The following PCSK5 variants were observed in gnomAD, a reference collection of about 807,000 sequenced individuals.
The protein encoded by PCSK5 is prohormone convertase 5.
In PCSK5, 129 loss-of-function variants were observed where a neutral mutation model predicts 233.2. The observed-to-expected ratio is 0.55, with a 90% confidence interval of 0.48 to 0.64. The LOEUF is 0.64. Ranked by LOEUF, PCSK5 falls within the 30% of genes least tolerant of loss-of-function variation. The pLI is 0.00. For synonymous variants in PCSK5, 825 were observed against 879.2 expected (o/e 0.94, Z 1.09); for missense variants, 2,076 against 2,430.1 (o/e 0.85, Z 3.06).
intron 3 of PCSK5, among the ~76,000 whole-genome samples, chr9:75,994,396 C>CTTTTTTTT (rs1826907729): frequency 1.3e-4 from 9 of 68,322 alleles, no homozygotes; most frequent in African/African-American, 2.2e-4. Context: ...TTCTTTCTTT[C>CTTTTTTTT]TTTCTTTTTT....
chr9:75,932,622 T>C (rs1281843816), intron 2 of PCSK5, 139 bp downstream of exon 2: 2 of 623,662 alleles, frequency 3.2e-6, no homozygotes, highest in South Asian at 2.1e-5. Flanking sequence ...CTAGTGTCTA[T>C]GCTTCCTCTT....
intron 20 of PCSK5, chr9:76,195,648 C>T (rs1824661288): frequency 6.6e-6 from 1 of 152,064 alleles, no homozygotes; most frequent in South Asian, 2.1e-4. Context: ...TTTGGAGACT[C>T]AACAAATGCT....
At chr9:76,014,226 A>G (rs1008235998) in intron 3 of PCSK5, among the ~76,000 whole-genome samples, 2 of 152,154 alleles carry the variant, frequency 1.3e-5, no homozygotes, top group African/African-American at 2.4e-5. Flanking sequence ...TCATGTTCCC[A>G]TAATTATTAA....
chr9:76,114,266 T>G (rs1161050072), intron 9 of PCSK5, among the ~76,000 whole-genome samples: 1 of 152,156 alleles, frequency 6.6e-6, no homozygotes, highest in Admixed American at 6.6e-5. Flanking sequence ...AGGGATGTAC[T>G]GTCCTGAACT....
chr9:76,332,612 T>A lies in PCSK5; in HGVS notation c.4748+2T>A. The A allele has an allele frequency of 6.4e-7, 1 of 1,567,180 alleles. No homozygotes were observed. Among genetic ancestry groups the A allele is most frequent in the African/African-American group, 1.4e-5 (1 of 73,976 alleles). On this transcript the variant is annotated splice_donor_variant, in intron 34 of 37. Coordinates refer to ENST00000674117, the MANE Select transcript of PCSK5 (RefSeq NM_001372043.1). LOFTEE classifies it high-confidence loss of function. ...GTGCCTGCTCCAGTGCAGGGAAGGG[T>A]AAGTGCTCAATACATTTTCCCCCAT...
At chr9:76,337,308 C>T (rs10869751) in intron 34 of PCSK5, among the ~76,000 whole-genome samples, 2,026 of 151,372 alleles carry the variant, frequency 0.013, 42 homozygotes, top group African/African-American at 0.046. Context: ...GGACTGCACA[C>T]CACATCTGGC....
intron 1 of PCSK5, among the ~76,000 whole-genome samples, chr9:75,903,598 T>TATTATATATATATAA (rs1369330438): frequency 7.1e-6 from 1 of 141,588 alleles, no homozygotes; most frequent in African/African-American, 2.6e-5. Context: ...AAAATATATA[T>TATTATATATATATAA]TATATATATA....
chr9:75,956,989 G>A (rs1825122817), intron 2 of PCSK5, among the ~76,000 whole-genome samples: 1 of 151,988 alleles, frequency 6.6e-6, no homozygotes. Flanking sequence ...AAAATATTAC[G>A]AATAACATTT....
At chr9:76,069,412 G>T (rs1485915145) in intron 6 of PCSK5, among the ~76,000 whole-genome samples, 2 of 150,082 alleles carry the variant, frequency 1.3e-5, no homozygotes, top group African/African-American at 4.9e-5. Context: ...GGATGAACTT[G>T]TGAACTCACA....
chr9:75,991,302 C>G (rs1336964802), intron 3 of PCSK5, among the ~76,000 whole-genome samples: 1 of 152,088 alleles, frequency 6.6e-6, no homozygotes, highest in East Asian at 1.9e-4. Flanking sequence ...GGCACAGAAT[C>G]TGGGAATTTG....
At chr9:76,299,250 C>T (rs778861529) in intron 27 of PCSK5, among the ~76,000 whole-genome samples, 3 of 152,118 alleles carry the variant, frequency 2.0e-5, no homozygotes, top group Non-Finnish European at 4.4e-5. Flanking sequence ...AGATTGTGCT[C>T]GACTCTCTGT....
intron 2 of PCSK5, among the ~76,000 whole-genome samples, chr9:75,942,882 C>CTTTTTTTTTTTTT (rs35508069): frequency 1.1e-4 from 12 of 112,950 alleles, no homozygotes; most frequent in Admixed American, 3.0e-4. Context: ...TTTTCTTCTT[C>CTTTTTTTTTTTTT]TTCTTTTTTT....
intron 7 of PCSK5, among the ~76,000 whole-genome samples, chr9:76,072,778 C>T (rs1323438923): frequency 6.6e-6 from 1 of 152,176 alleles, no homozygotes; most frequent in East Asian, 1.9e-4. Flanking sequence ...GCCCCATCCC[C>T]AAGTCCTCCC....
rs1172781402 is a variant in PCSK5 at position 76,023,759 on chromosome 9, C to A, written c.433C>A (p.Pro145Thr). 6.2e-7 allele frequency: 1 copy of A among 1,612,978 alleles called. No homozygotes were observed. The highest frequency in any genetic ancestry group is 8.5e-7 in the Non-Finnish European group (1 of 1,179,270). ...TCAGCACTGCAGTGACAATACACAT[C>A]CCTGCCAGTCTGACATGAATATCGA... ...WYMHCSDNTHPCQSDMNIEGA... is the reference protein window; with the variant it reads ...WYMHCSDNTHTCQSDMNIEGA... The change falls in exon 4 of 38, where the codon CCC (proline) becomes ACC (threonine). Residue 145 changes from proline to threonine, a missense_variant. Transcript: ENST00000674117.
At chr9:76,279,182 G>A (rs866299348) in intron 24 of PCSK5, among the ~76,000 whole-genome samples, 228 of 149,144 alleles carry the variant, frequency 1.5e-3, no homozygotes, top group African/African-American at 5.0e-3. Context: ...TTGTTCTTGC[G>A]ATAGTTTACT....
At chr9:76,080,947 A>G (rs1830810618) in intron 7 of PCSK5, among the ~76,000 whole-genome samples, 1 of 152,162 alleles carries the variant, frequency 6.6e-6, no homozygotes, top group African/African-American at 2.4e-5. Context: ...TTGCTGAGTA[A>G]CCCTTACAGA....
chr9:76,191,407 A>C (rs929645301), intron 20 of PCSK5, among the ~76,000 whole-genome samples: 5 of 152,156 alleles, frequency 3.3e-5, no homozygotes, highest in African/African-American at 1.2e-4. Context: ...GCAGGTTATG[A>C]ACTTCTCTGG....
At chr9:76,169,414 C>G (rs773945227) in intron 12 of PCSK5, among the ~76,000 whole-genome samples, 2 of 152,028 alleles carry the variant, frequency 1.3e-5, no homozygotes, top group Admixed American at 6.6e-5. Flanking sequence ...ACTCTACTGT[C>G]AGTCTTGTAG....
intron 5 of PCSK5, among the ~76,000 whole-genome samples, chr9:76,060,652 T>A (rs1399801552): frequency 1.3e-5 from 2 of 152,188 alleles, no homozygotes; most frequent in Non-Finnish European, 2.9e-5. Context: ...ATCACTGTAA[T>A]CATAAGAAGC....
Sources: allele counts gnomAD v4.1 joint callset (sites outside exome capture counted in the v4.1 genomes callset), GRCh38; gene constraint gnomAD v4.1.1; transcripts MANE v1.5; gene names NCBI Gene and HGNC (gene_info 2026-07-23, HGNC 2026-07-21).